Variants in ATPAF1 observed in about 807,000 individuals in gnomAD.
ATPAF1 encodes ATP synthase mitochondrial F1 complex assembly factor 1.
In ATPAF1, 26 loss-of-function variants were observed where a neutral mutation model predicts 43.9. The observed-to-expected ratio is 0.59, with a 90% confidence interval of 0.43 to 0.82. The LOEUF (loss-of-function observed/expected upper bound fraction) is 0.82. ATPAF1 is among the 40% of genes least tolerant of loss of function. ATPAF1 has a pLI of 0.00. For missense variants in ATPAF1, 366 were observed against 435.0 expected (o/e 0.84, Z 1.41); for synonymous variants, 157 against 168.0 (o/e 0.93, Z 0.50).
At chr1:46,642,469 T>TGGCA (rs1675966925) in intron 8 of ATPAF1, among the ~76,000 whole-genome samples, 1 of 152,202 alleles carries the variant, frequency 6.6e-6, no homozygotes, top group Non-Finnish European at 1.5e-5. Flanking sequence ...ACACTGCTCC[T>TGGCA]GGCACCTGGA....
intron 6 of ATPAF1, among the ~76,000 whole-genome samples, chr1:46,650,208 T>C (rs952398027): frequency 6.7e-6 from 1 of 150,362 alleles, no homozygotes; most frequent in African/African-American, 2.5e-5. Flanking sequence ...AAACTGCCAA[T>C]AAAACAGGCA....
At chr1:46,650,471 C>G (rs923461091) in intron 6 of ATPAF1, among the ~76,000 whole-genome samples, 1 of 151,798 alleles carries the variant, frequency 6.6e-6, no homozygotes, top group African/African-American at 2.4e-5. Flanking sequence ...GAAGTTTCCT[C>G]AAAAAACTAA....
At chr1:46,651,504 G>T (rs575360595) in intron 6 of ATPAF1, among the ~76,000 whole-genome samples, 1 of 152,154 alleles carries the variant, frequency 6.6e-6, no homozygotes, top group South Asian at 2.1e-4. Context: ...TAGTCCTTTG[G>T]GTATACACCC....
intron 2 of ATPAF1, 184 bp downstream of exon 2, chr1:46,665,072 A>G (rs1676464477): frequency 4.9e-6 from 3 of 607,940 alleles, no homozygotes; most frequent in Non-Finnish European, 8.7e-6. Context: ...TATCTCCACC[A>G]TGACCACAGT....
intron 4 of ATPAF1, among the ~76,000 whole-genome samples, chr1:46,657,116 C>G (rs576623439): frequency 5.8e-4 from 89 of 152,254 alleles, no homozygotes; most frequent in Admixed American, 1.2e-3. Flanking sequence ...ACAGTTTCCT[C>G]AACTGTAAAC....
rs1676525428 is a variant in ATPAF1 at position 46,668,149 on chromosome 1, C to T, written c.174G>A (p.Gly58=). 7.1e-7 allele frequency: 1 copy of T among 1,402,898 alleles called. No homozygotes were observed. Among genetic ancestry groups the T allele is most frequent in the East Asian group, 3.1e-5 (1 of 32,600 alleles). 86.9% of individuals were successfully genotyped at this position (1,402,898 alleles called of 1,614,324 possible). Residue 58 remains glycine, a synonymous_variant, in exon 1 of 9, where the codon GGG becomes GGA. Transcript: ENST00000574428. This position sits in a 1 kb window ranked among gnomAD's most constrained non-coding sequence, Gnocchi z 4.4. ...CCCCGACCCCGCTGCTGTCGGCGCC[C>T]CCCTCGGGCCGGCCCGAGCCGGGGC...
At chr1:46,667,695 T>A (rs1417974347) in intron 1 of ATPAF1, among the ~76,000 whole-genome samples, 2 of 152,152 alleles carry the variant, frequency 1.3e-5, no homozygotes, top group Non-Finnish European at 2.9e-5. Flanking sequence ...GCCTCAGCTA[T>A]CTTAATATGT....
chr1:46,647,182 G>C (rs188769866), intron 6 of ATPAF1, among the ~76,000 whole-genome samples: 1 of 152,276 alleles, frequency 6.6e-6, no homozygotes, highest in East Asian at 1.9e-4. Flanking sequence ...AGTGATGACT[G>C]TATCCACCTA....
At chr1:46,642,930 A>G (rs1165279554) in intron 8 of ATPAF1, among the ~76,000 whole-genome samples, 1 of 152,228 alleles carries the variant, frequency 6.6e-6, no homozygotes, top group Non-Finnish European at 1.5e-5. Flanking sequence ...TCAAGTTTAC[A>G]TAAGGTTTTG....
intron 4 of ATPAF1, among the ~76,000 whole-genome samples, chr1:46,654,527 A>ATTTAT (rs1553218330): frequency 0.12 from 9,973 of 85,016 alleles, 956 homozygotes; most frequent in East Asian, 0.47. Flanking sequence ...TTATTTATTT[A>ATTTAT]TTTATTATTA....
chr1:46,665,038 G>C lies in ATPAF1; in HGVS notation c.375+218C>G. The C allele has an allele frequency of 5.7e-6, 3 of 529,338 alleles. No homozygotes were observed. The South Asian group carries it at 7.6e-5, about 13-fold the overall frequency. The allele number at this position is 529,338 out of a possible 1,614,324, so 32.8% of individuals were successfully genotyped here. A position where few individuals can be genotyped will look rare whatever the true frequency, so the allele number is the denominator to read the frequency against. ...CACCAGACTGCTCCTCTTGGGAGCA[G>C]GAAGTACCCCTCTCATACTTCTATA... On this transcript the variant is annotated intron_variant, in intron 2 of 8. Transcript: ENST00000574428.
intron 8 of ATPAF1, among the ~76,000 whole-genome samples, chr1:46,641,818 G>C (rs974717464): frequency 6.6e-6 from 1 of 152,008 alleles, no homozygotes; most frequent in African/African-American, 2.4e-5. Context: ...TCCAGGGATG[G>C]AGACCCCTCG....
At position 46,657,077 on chromosome 1, in the gene ATPAF1, C is replaced by A. The variant is rs533292192; in HGVS notation, c.489+1050G>T. Among the ~76,000 whole-genome samples the A allele has an allele frequency of 6.6e-5, 10 of 152,276 alleles. No individual in the cohort carries two copies. In the East Asian group the frequency reaches 1.9e-3, roughly 29 times the overall value. On this transcript the variant is annotated intron_variant, in intron 4 of 8. Transcript: ENST00000574428. ...ATGGGTTTGAGTCCCAGCTCTACCACTGACTAAGTTACATAATCTCTTTAA... is the reference window on the plus strand; with the variant it reads ...ATGGGTTTGAGTCCCAGCTCTACCAATGACTAAGTTACATAATCTCTTTAA...
intron 2 of ATPAF1, among the ~76,000 whole-genome samples, chr1:46,663,627 GTT>G (rs138079879): frequency 6.7e-6 from 1 of 149,968 alleles, no homozygotes; most frequent in Non-Finnish European, 1.5e-5. Flanking sequence ...TTTTGATGGG[GTT>G]TTTTTTTTCT....
rs138116431 is a variant in ATPAF1, at chr1:46,635,824, G to A, written c.939C>T (p.Ser313=). 21 of 1,614,136 alleles carry A rather than the reference G, an allele frequency of 1.3e-5. No individual in the cohort carries two copies. In the African/African-American group the frequency reaches 1.9e-4, roughly 14 times the overall value. The change falls in exon 9 of 9, where the codon AGC becomes AGT. Residue 313 remains serine (S), a synonymous_variant. Transcript: ENST00000574428. ...CACATTTCAGTTCTGCTCCAAGTCC[G>A]CTTTGCTCCAATTCAGCGATGACAG...
In ATPAF1 at chr1:46,666,657, C is replaced by CAGGTAA. The variant is rs368873565; in HGVS notation, c.267-1294_267-1293insTTACCT. On this transcript the variant is annotated intron_variant, in intron 1 of 8. Transcript: ENST00000574428. ...TTTGTTTATGTTGCTGCTCCCCTTA[C>CAGGTAA]CTGGAACATCCCCTCCTCTCCATTC... is the stretch of plus-strand genomic sequence containing the variant. 2.3e-3 allele frequency among the ~76,000 whole-genome samples: 352 copies of CAGGTAA among 152,336 alleles called. 3 individuals carry two copies. The highest frequency in any genetic ancestry group is 8.1e-3 in the African/African-American group (335 of 41,580).
At chr1:46,635,741 T>C (rs781408163) in exon 9 of ATPAF1, 2 of 1,585,018 alleles carry the variant, frequency 1.3e-6, no homozygotes. Context: ...TATCGAGGGC[T>C]GAGTCAACTA....
Position 46,668,022 on chromosome 1 carries a change from C to A in ATPAF1, c.266+35G>T. Reference sequence around the variant, plus strand: ...GCAGCCCGGGCCGCCCCTCCTCCCGCCTCCTGCCCGCCTCCAGCCAACCCA... The same window carrying A: ...GCAGCCCGGGCCGCCCCTCCTCCCGACTCCTGCCCGCCTCCAGCCAACCCA... On this transcript the variant is annotated intron_variant, in intron 1 of 8. Coordinates refer to ENST00000574428, the Ensembl canonical transcript of ATPAF1. The surrounding 1 kb of genome is among the most constrained non-coding windows in gnomAD (Gnocchi z 4.4). 7.5e-7 allele frequency: 1 copy of A among 1,337,018 alleles called. No individual in the cohort carries two copies. The allele number at this position is 1,337,018 out of a possible 1,614,324, so 82.8% of individuals were successfully genotyped here.
intron 1 of ATPAF1, among the ~76,000 whole-genome samples, chr1:46,667,643 C>T (rs1676513580): frequency 1.3e-5 from 2 of 152,166 alleles, no homozygotes; most frequent in Admixed American, 1.3e-4. Flanking sequence ...GCAGTCAAGG[C>T]CCTAAGCTAC....
Sources: gnomAD v4.1 joint callset for allele counts (sites outside exome capture counted in the v4.1 genomes callset) on GRCh38, gnomAD v4.1.1 for gene constraint, Gnocchi (gnomAD v3.1) non-coding constraint, MANE v1.5 for transcripts, NCBI Gene and HGNC (gene_info 2026-07-23, HGNC 2026-07-21) for gene names.